The following SLC4A8 variants were observed in gnomAD, a reference collection of about 807,000 sequenced individuals.
The protein encoded by SLC4A8 is electroneutral sodium bicarbonate exchanger 1.
A neutral mutation model predicts 125.0 loss-of-function variants in SLC4A8; 40 were observed. That is an observed-to-expected ratio of 0.32 (90% confidence interval 0.25 to 0.42). The LOEUF is 0.42. SLC4A8 is among the 10% of genes least tolerant of loss of function. SLC4A8 has a pLI of 1.00. For missense variants in SLC4A8, 863 were observed against 1,355.1 expected, an observed-to-expected ratio of 0.64 and a Z score of 5.70; for synonymous variants, 456 against 476.0, an observed-to-expected ratio of 0.96 and a Z score of 0.55.
At chr12:51,438,776 C>T (rs1949499175) in intron 1 of SLC4A8, among the ~76,000 whole-genome samples, 1 of 152,142 alleles carries the variant, frequency 6.6e-6, no homozygotes. Context: ...TCTTCATATC[C>T]TTGCCAGCAT....
chr12:51,424,498 A>C, upstream of SLC4A8: 1 of 154,366 alleles, frequency 6.5e-6, no homozygotes, highest in Non-Finnish European at 1.4e-5. Context: ...TCCTCCTGCA[A>C]TCGCGAAGGA....
chr12:51,463,669 A>G lies in SLC4A8; in HGVS notation c.1304A>G (p.Glu435Gly). The change falls in exon 11 of 25, where the codon GAA becomes GGA. Residue 435 changes from glutamate to glycine, a missense_variant. Glu to Gly is a moderately conservative substitution (Grantham distance 98, BLOSUM62 -2). This residue lies in a region of SLC4A8 where 390 missense variants were observed against 634.4 expected (regional missense o/e 0.61). Coordinates refer to ENST00000453097, the MANE Select transcript of SLC4A8 (RefSeq NM_001039960.3). ...PNGNVCHIEQ[E>G]PHGGHSGPEL... Reference sequence around the variant, plus strand: ...GGAAATGTTTGCCACATAGAACAGGAACCACATGGGGGTCACAGTGGGCCA... The same window carrying G: ...GGAAATGTTTGCCACATAGAACAGGGACCACATGGGGGTCACAGTGGGCCA... 1 of 1,614,156 alleles carries G rather than the reference A, an allele frequency of 6.2e-7. No homozygotes were observed. The highest frequency in any genetic ancestry group is 8.5e-7 in the Non-Finnish European group (1 of 1,179,984).
chr12:51,458,854 T>C (rs889674244), intron 7 of SLC4A8, among the ~76,000 whole-genome samples: 10 of 152,240 alleles, frequency 6.6e-5, no homozygotes, highest in African/African-American at 1.4e-4. Flanking sequence ...CAACAGTTTC[T>C]TTCTCCAGAT....
intron 18 of SLC4A8, 78 bp from the exon 19 acceptor site, chr12:51,489,622 C>T (rs959173204): frequency 6.4e-7 from 1 of 1,570,802 alleles, no homozygotes; most frequent in African/African-American, 1.3e-5. Flanking sequence ...TGCTTTGGGC[C>T]TGAGACCCGT....
chr12:51,433,881 T>A (rs1949301104), intron 1 of SLC4A8, among the ~76,000 whole-genome samples: 1 of 136,384 alleles, frequency 7.3e-6, no homozygotes, highest in African/African-American at 2.7e-5. Flanking sequence ...TTTTTTTTGG[T>A]TGGTTTTTTT....
rs869249897 is a variant in SLC4A8 at position 51,433,851 on chromosome 12, G to GTTTTTTTTTTTTTTT, written c.49-6844_49-6830dup. Among the ~76,000 whole-genome samples, 5 of 65,298 alleles carry GTTTTTTTTTTTTTTT rather than the reference G, an allele frequency of 7.7e-5. 1 individual carries two copies. Among genetic ancestry groups the GTTTTTTTTTTTTTTT allele is most frequent in the Non-Finnish European group, 1.2e-4 (4 of 33,204 alleles). 42.8% of individuals were successfully genotyped at this position (65,298 alleles called of 152,430 possible). A position where few individuals can be genotyped will look rare whatever the true frequency, so the allele number is the denominator to read the frequency against. On this transcript the variant is annotated intron_variant, in intron 1 of 24. Coordinates refer to ENST00000453097, the MANE Select transcript of SLC4A8 (RefSeq NM_001039960.3). Reference sequence around the variant, plus strand: ...GGCGTCAACAATGAACACACCATCTGTTTTTTTTTTTTTTTTTTTTTTTTT... The same window carrying GTTTTTTTTTTTTTTT: ...GGCGTCAACAATGAACACACCATCTGTTTTTTTTTTTTTTTTTTTTTTTTTTTTTTTTTTTTTTTT...
intron 14 of SLC4A8, 25 bp from the exon 15 acceptor site, chr12:51,474,317 G>C (rs1238406244): frequency 6.8e-7 from 1 of 1,461,766 alleles, no homozygotes; most frequent in Non-Finnish European, 9.5e-7. Flanking sequence ...TTTTCCTCAG[G>C]AATCTTTTTA....
chr12:51,445,718 T>G (rs1450860712), intron 2 of SLC4A8, among the ~76,000 whole-genome samples: 1 of 152,154 alleles, frequency 6.6e-6, no homozygotes, highest in African/African-American at 2.4e-5. Flanking sequence ...TTCTTATCAC[T>G]TAGATGTCCC....
chr12:51,450,317 T>G (rs1242738817), intron 2 of SLC4A8, among the ~76,000 whole-genome samples: 1 of 152,236 alleles, frequency 6.6e-6, no homozygotes, highest in Non-Finnish European at 1.5e-5. Flanking sequence ...CCTTATTTAC[T>G]GCTTATGAAA....
chr12:51,405,808 C>T (rs1170048368), intron 1 of SLC4A8, among the ~76,000 whole-genome samples: 1 of 152,188 alleles, frequency 6.6e-6, no homozygotes, highest in Non-Finnish European at 1.5e-5. Flanking sequence ...TTATCTATTA[C>T]TAGAAAAGAG....
chr12:51,396,316 T>C (rs1948260154), intron 1 of SLC4A8, among the ~76,000 whole-genome samples: 1 of 152,198 alleles, frequency 6.6e-6, no homozygotes, highest in Non-Finnish European at 1.5e-5. Context: ...TAATAAGTCA[T>C]GTCTGTCTCA....
intron 1 of SLC4A8, among the ~76,000 whole-genome samples, chr12:51,401,172 T>C (rs1948384021): frequency 6.6e-6 from 1 of 152,160 alleles, no homozygotes; most frequent in African/African-American, 2.4e-5. Context: ...TTACAGCTCC[T>C]AGCCCCAGTG....
At chr12:51,416,902 A>G (rs1205916461) in intron 1 of SLC4A8, among the ~76,000 whole-genome samples, 1 of 152,134 alleles carries the variant, frequency 6.6e-6, no homozygotes, top group Non-Finnish European at 1.5e-5. Context: ...AGGTGGGTGG[A>G]TTGCTTGAGC....
chr12:51,500,039 G>A lies in SLC4A8; in HGVS notation c.3081+2915G>A, dbSNP rs145793479. Among the ~76,000 whole-genome samples, 23 of 152,314 alleles carry A rather than the reference G, an allele frequency of 1.5e-4. 1 individual carries two copies. In the East Asian group the frequency reaches 4.4e-3, roughly 29 times the overall value. The stretch of plus-strand genomic sequence containing the variant: ...CTTATTTTGAAGATAGAGCTGACAG[G>A]TTTTGCTAATGATGGTGGGCATGGG... On this transcript the variant is annotated intron_variant, in intron 22 of 24. Coordinates refer to ENST00000453097, the MANE Select transcript of SLC4A8 (RefSeq NM_001039960.3).
intron 1 of SLC4A8, among the ~76,000 whole-genome samples, chr12:51,418,077 A>G (rs1220652649): frequency 1.3e-5 from 2 of 152,250 alleles, no homozygotes; most frequent in Admixed American, 6.5e-5. Context: ...TCTCAGAAAG[A>G]TAAGAACGAG....
At chr12:51,400,762 A>G (rs1175013781) in intron 1 of SLC4A8, among the ~76,000 whole-genome samples, 169 of 3,832 alleles carry the variant, frequency 0.044, 26 homozygotes, top group Admixed American at 0.096. Flanking sequence ...ATATATATAT[A>G]TATATATATA....
chr12:51,466,725 T>C (rs1212718830), intron 11 of SLC4A8, among the ~76,000 whole-genome samples: 3 of 152,194 alleles, frequency 2.0e-5, no homozygotes, highest in African/African-American at 7.2e-5. Flanking sequence ...CATAAAGTGT[T>C]CAGAAATTAT....
chr12:51,398,296 C>A (rs1232564956), intron 1 of SLC4A8, among the ~76,000 whole-genome samples: 1 of 152,158 alleles, frequency 6.6e-6, no homozygotes, highest in Non-Finnish European at 1.5e-5. Context: ...TTAGGAGACT[C>A]TTGATCAGTC....
At chr12:51,398,030 T>C (rs952512793) in intron 1 of SLC4A8, among the ~76,000 whole-genome samples, 2 of 152,084 alleles carry the variant, frequency 1.3e-5, no homozygotes, top group Admixed American at 6.5e-5. Context: ...CACCTCAGCC[T>C]CCCAAAGTGC....
Sources: gnomAD v4.1 joint callset for allele counts (sites outside exome capture counted in the v4.1 genomes callset) on GRCh38, gnomAD v4.1.1 for gene constraint, gnomAD v4.1.1 regional missense constraint, MANE v1.5 for transcripts, NCBI Gene and HGNC (gene_info 2026-07-23, HGNC 2026-07-21) for gene names.